CNDP1: variants seen among roughly 807,000 people sequenced by gnomAD.
CNDP1 encodes the protein beta-Ala-His dipeptidase.
In CNDP1, 44 loss-of-function variants were observed where a neutral mutation model predicts 58.1. The observed-to-expected ratio is 0.76, with a 90% CI of 0.60 to 0.97. CNDP1 has a LOEUF of 0.97. Ranked by LOEUF, CNDP1 falls within the 50% of genes least tolerant of loss-of-function variation. The pLI is 0.00. For missense variants in CNDP1, 616 were observed against 655.1 expected (o/e 0.94, Z 0.65); for synonymous variants, 254 against 252.6 (o/e 1.01, Z -0.05).
At chr18:74,560,163 G>A (rs1981151397) in intron 3 of CNDP1, among the ~76,000 whole-genome samples, 1 of 151,976 alleles carries the variant, frequency 6.6e-6, no homozygotes, top group Non-Finnish European at 1.5e-5. Context: ...TTTCAGGCGT[G>A]CACCACCACA....
Position 74,558,392 on chromosome 18 carries a change from C to CTTT in CNDP1, c.154-913_154-911dup, listed in dbSNP as rs71168498. On this transcript the variant is annotated intron_variant, in intron 2 of 11. Transcript: ENST00000358821. ...AGTTAGGGAGCATTACTTTCTTTTT[C>CTTT]TTTTTTTTTTTTTTTTTTTTGAGAT... is the stretch of plus-strand genomic sequence containing the variant. Among the ~76,000 whole-genome samples, 286 of 114,294 alleles carry CTTT rather than the reference C, an allele frequency of 2.5e-3. 18 individuals are homozygous for CTTT. The South Asian group carries it at 0.03, about 12-fold the overall frequency. The allele number at this position is 114,294 out of a possible 152,430, so 75.0% of individuals were successfully genotyped here.
At position 74,579,218 on chromosome 18, in the gene CNDP1, C is replaced by G. The variant is rs1457545600; in HGVS notation, c.1167+891C>G. 3.6e-3 allele frequency among the ~76,000 whole-genome samples: 503 copies of G among 140,188 alleles called. 8 individuals carry two copies. In the East Asian group the frequency reaches 0.043, roughly 12 times the overall value. The allele number at this position is 140,188 out of a possible 152,430, so 92.0% of individuals were successfully genotyped here. ...CCCTTCCCTTGCCTTCCCTTCCCTT[C>G]CCTTCCCTTCCCTCACCTCCCCTCT... On this transcript the variant is annotated intron_variant, in intron 9 of 11. Transcript: ENST00000358821.
chr18:74,560,197 T>C (rs1568295827), intron 3 of CNDP1, among the ~76,000 whole-genome samples: 1 of 151,938 alleles, frequency 6.6e-6, no homozygotes, highest in African/African-American at 2.4e-5. Context: ...TGTATTTTTA[T>C]TAGACACAGG....
At chr18:74,543,784 A>C (rs1422343363) in intron 1 of CNDP1, among the ~76,000 whole-genome samples, 1 of 152,116 alleles carries the variant, frequency 6.6e-6, no homozygotes, top group African/African-American at 2.4e-5. Flanking sequence ...GGAGTTCTAG[A>C]AGAAAACAGA....
At position 74,548,179 on chromosome 18, in the gene CNDP1, A is replaced by T. The variant is rs552214411; in HGVS notation, c.25-8159A>T. On this transcript the variant is annotated intron_variant, in intron 1 of 11. Transcript: ENST00000358821. Reference sequence around the variant, plus strand: ...GACATCCCTAGATTTTCAATGGGTGATGAGAGTTTGGATCTGTGTCCCTGC... The same window carrying T: ...GACATCCCTAGATTTTCAATGGGTGTTGAGAGTTTGGATCTGTGTCCCTGC... Among the ~76,000 whole-genome samples, 6 of 152,304 alleles carry T rather than the reference A, an allele frequency of 3.9e-5. No individual in the cohort carries two copies. The East Asian group carries it at 1.2e-3, about 29-fold the overall frequency.
At chr18:74,553,125 G>A (rs151050010) in intron 1 of CNDP1, among the ~76,000 whole-genome samples, 320 of 152,118 alleles carry the variant, frequency 2.1e-3, no homozygotes, top group African/African-American at 7.2e-3. Context: ...ATTTTTAATT[G>A]GGCTGTCTTT....
Position 74,559,440 on chromosome 18 carries a change from C to T in CNDP1, c.271C>T (p.Arg91Cys), listed in dbSNP as rs142614958. 720 of 1,611,106 alleles carry T rather than the reference C, an allele frequency of 4.5e-4. No individual in the cohort carries two copies. Among genetic ancestry groups the T allele is most frequent in the Non-Finnish European group, 5.9e-4 (696 of 1,179,964 alleles). ...GGACACGCTGCAGCGCCTGGGGGCC[C>T]GTGTGGCCTCGGTGGACATGGGTCC... ...AADTLQRLGA[R>C]VASVDMGPQQ... The change falls in exon 3 of 12, where the codon CGT becomes TGT. Residue 91 changes from arginine to cysteine, a missense_variant. Transcript: ENST00000358821.
chr18:74,570,033 CA>C (rs56365298), intron 6 of CNDP1, among the ~76,000 whole-genome samples: 78,780 of 94,134 alleles, frequency 0.84, 33,228 homozygotes, highest in East Asian at 0.94. Flanking sequence ...GAAGAAAATA[CA>C]AAAAAAAAAA....
intron 1 of CNDP1, among the ~76,000 whole-genome samples, chr18:74,539,811 TATCA>T (rs1359332691): frequency 6.6e-6 from 1 of 152,216 alleles, no homozygotes; most frequent in Non-Finnish European, 1.5e-5. Flanking sequence ...CCCATGTGCC[TATCA>T]GCCAGTTCCA....
intron 1 of CNDP1, among the ~76,000 whole-genome samples, chr18:74,540,373 T>C (rs1980588315): frequency 6.6e-6 from 1 of 152,158 alleles, no homozygotes; most frequent in Non-Finnish European, 1.5e-5. Context: ...TTGGCCAGGC[T>C]GGTCTCAAAC....
chr18:74,572,474 T>C (rs1981503319), intron 7 of CNDP1, among the ~76,000 whole-genome samples: 1 of 152,118 alleles, frequency 6.6e-6, no homozygotes, highest in Admixed American at 6.6e-5. Context: ...CCACTTGGCA[T>C]GTATAGCTCC....
intron 9 of CNDP1, among the ~76,000 whole-genome samples, chr18:74,579,032 C>T (rs1015735023): frequency 1.5e-4 from 23 of 152,256 alleles, no homozygotes; most frequent in Admixed American, 6.5e-5. Context: ...CATTATCCCC[C>T]TTTATTGTCT....
chr18:74,550,534 C>T (rs887529383), intron 1 of CNDP1, among the ~76,000 whole-genome samples: 5 of 151,404 alleles, frequency 3.3e-5, no homozygotes, highest in African/African-American at 1.2e-4. Context: ...GGAGCTAATG[C>T]TGGAATGAGT....
chr18:74,541,926 A>G (rs948422527), intron 1 of CNDP1, among the ~76,000 whole-genome samples: 7 of 152,062 alleles, frequency 4.6e-5, no homozygotes, highest in African/African-American at 1.7e-4. Flanking sequence ...CTGACCTCAG[A>G]AGGAATGGGG....
At chr18:74,573,880 A>T (rs1981561953) in intron 7 of CNDP1, among the ~76,000 whole-genome samples, 1 of 125,062 alleles carries the variant, frequency 8.0e-6, no homozygotes, top group South Asian at 2.9e-4. Context: ...GACTTTCTTT[A>T]GTTCTTGATA....
At chr18:74,578,439 C>A in intron 9 of CNDP1, 112 bp downstream of exon 9, 1 of 1,097,160 alleles carries the variant, frequency 9.1e-7, no homozygotes. Context: ...TCATTTTTTT[C>A]CAACACAAGA....
chr18:74,584,621 TA>T lies in CNDP1; in HGVS notation c.*60del. The T allele has an allele frequency of 2.5e-5, 32 of 1,275,194 alleles. No homozygotes were observed. Among genetic ancestry groups the T allele is most frequent in the Non-Finnish European group, 3.3e-5 (29 of 871,238 alleles). 79.0% of individuals were successfully genotyped at this position (1,275,194 alleles called of 1,614,324 possible). A position where few individuals can be genotyped will look rare whatever the true frequency, so the allele number is the denominator to read the frequency against. ...GACAGATTCACCTCCCCCACATCCC[TA>T]GACAGGGATGGAATGTAAATATCCA... On this transcript the variant is annotated 3_prime_UTR_variant, in exon 12 of 12. Coordinates refer to ENST00000358821, the MANE Select transcript of CNDP1 (RefSeq NM_032649.6).
At chr18:74,536,248 A>T (rs184107384) in intron 1 of CNDP1, among the ~76,000 whole-genome samples, 17 of 152,204 alleles carry the variant, frequency 1.1e-4, no homozygotes, top group African/African-American at 4.1e-4. Context: ...CCCAGGTATT[A>T]AGCCTAGTAC....
rs1327203495 is a variant in CNDP1 at position 74,534,544 on chromosome 18, G to T, written c.-124G>T. On this transcript the variant is annotated 5_prime_UTR_variant, in exon 1 of 12. Transcript: ENST00000358821. ...ATACCAGCCTCGTCTTCCTTCCGGG[G>T]GACAACGTGGGTCAGGGCACAGAGA... The T allele has an allele frequency of 3.1e-6, 3 of 983,452 alleles. No individual in the cohort carries two copies. In the African/African-American group the frequency reaches 4.8e-5, roughly 16 times the overall value. The allele number at this position is 983,452 out of a possible 1,614,324, so 60.9% of individuals were successfully genotyped here. A position where few individuals can be genotyped will look rare whatever the true frequency, so the allele number is the denominator to read the frequency against.
Sources: allele counts gnomAD v4.1 joint callset (sites outside exome capture counted in the v4.1 genomes callset), GRCh38; gene constraint gnomAD v4.1.1; transcripts MANE v1.5; gene names NCBI Gene and HGNC (gene_info 2026-07-23, HGNC 2026-07-21).